MAML2: variants seen among roughly 807,000 people sequenced by gnomAD.
MAML2 encodes mastermind-like protein 2.
A neutral mutation model predicts 96.1 loss-of-function variants in MAML2; 22 were observed. The ratio of observed to expected loss-of-function variants is 0.23; its 90% CI spans 0.16 to 0.33. The LOEUF is 0.33. Among genes scored for constraint, MAML2 ranks in the 10% least tolerant of loss-of-function variants. The pLI is 1.00. For missense variants in MAML2, 1,367 were observed against 1,392.4 expected (o/e 0.98, Z 0.29); for synonymous variants, 561 against 521.3 (o/e 1.08, Z -1.04).
At chr11:96,054,079 C>G (rs561116250) in intron 2 of MAML2, among the ~76,000 whole-genome samples, 32 of 152,240 alleles carry the variant, frequency 2.1e-4, no homozygotes, top group African/African-American at 7.2e-4. Flanking sequence ...GGGTCCCTTG[C>G]CCATTCCTCT....
chr11:96,196,515 T>C (rs1456041405), intron 1 of MAML2, among the ~76,000 whole-genome samples: 1 of 152,150 alleles, frequency 6.6e-6, no homozygotes, highest in Non-Finnish European at 1.5e-5. Context: ...TTGAAGTCAA[T>C]CAGAAATAAT....
intron 2 of MAML2, among the ~76,000 whole-genome samples, chr11:96,059,916 T>C (rs1375737142): frequency 1.3e-5 from 2 of 152,156 alleles, no homozygotes; most frequent in East Asian, 3.8e-4. Context: ...TGTAGGATTG[T>C]AAGTAAACCA....
chr11:96,049,293 T>C (rs933056665), intron 2 of MAML2, among the ~76,000 whole-genome samples: 7 of 152,236 alleles, frequency 4.6e-5, no homozygotes, highest in Non-Finnish European at 7.4e-5. Context: ...GAATAGGTAA[T>C]AATATAAAGT....
chr11:95,991,384 G>A, intron 3 of MAML2, 136 bp downstream of exon 3: 1 of 799,740 alleles, frequency 1.3e-6, no homozygotes, highest in Non-Finnish European at 2.1e-6. Context: ...CTAAATGTAT[G>A]GAATTATCCT....
intron 1 of MAML2, among the ~76,000 whole-genome samples, chr11:96,286,367 G>A (rs1029917556): frequency 1.3e-5 from 2 of 152,144 alleles, no homozygotes; most frequent in Non-Finnish European, 2.9e-5. Context: ...ATAACTAATG[G>A]ATGCCAGGTT....
intron 1 of MAML2, among the ~76,000 whole-genome samples, chr11:96,289,613 G>A (rs1163445253): frequency 6.6e-6 from 1 of 152,040 alleles, no homozygotes; most frequent in Non-Finnish European, 1.5e-5. Flanking sequence ...TCTTGCTCTG[G>A]GTATTTATTT....
intron 2 of MAML2, among the ~76,000 whole-genome samples, chr11:96,036,737 C>T (rs907437122): frequency 9.9e-5 from 15 of 151,818 alleles, no homozygotes; most frequent in African/African-American, 3.6e-4. Flanking sequence ...TGAGATGTGG[C>T]GATCCAAATT....
chr11:96,255,865 CTTTTTTTTTTTT>C, intron 1 of MAML2, among the ~76,000 whole-genome samples: 1 of 77,942 alleles, frequency 1.3e-5, no homozygotes, highest in African/African-American at 5.2e-5. Flanking sequence ...CCCCCACCGC[CTTTTTTTTTTTT>C]TTTTTTTTTT....
chr11:96,204,022 C>T (rs1861862734), intron 1 of MAML2, among the ~76,000 whole-genome samples: 1 of 152,050 alleles, frequency 6.6e-6, no homozygotes, highest in South Asian at 2.1e-4. Context: ...AGGGATACAG[C>T]GGGAACCCAG....
In MAML2 at chr11:96,242,759, A is replaced by G. The variant is rs1241036491; in HGVS notation, c.513+98624T>C. 3.3e-5 allele frequency among the ~76,000 whole-genome samples: 5 copies of G among 152,338 alleles called. No homozygotes were observed. The East Asian group carries it at 7.7e-4, about 23-fold the overall frequency. On this transcript the variant is annotated intron_variant, in intron 1 of 4. Transcript: ENST00000524717. ...AAAGCAGGAGCATGATAAAGGGGAA[A>G]GGATCATAATTTTATGAAGTGCCAA... is the stretch of plus-strand genomic sequence containing the variant.
intron 2 of MAML2, among the ~76,000 whole-genome samples, chr11:96,080,703 C>G (rs991070481): frequency 5.3e-5 from 8 of 152,078 alleles, no homozygotes; most frequent in African/African-American, 1.9e-4. Flanking sequence ...AAGTATTTGC[C>G]GAATGATAAA....
chr11:95,989,806 T>C (rs897762757), intron 3 of MAML2, among the ~76,000 whole-genome samples: 1 of 152,212 alleles, frequency 6.6e-6, no homozygotes, highest in African/African-American at 2.4e-5. Context: ...TATTCCTTAT[T>C]CCAGGTCAAA....
chr11:96,317,588 C>A (rs1863648733), intron 1 of MAML2, among the ~76,000 whole-genome samples: 2 of 152,202 alleles, frequency 1.3e-5, no homozygotes, highest in African/African-American at 4.8e-5. Flanking sequence ...AGTGTCCCTT[C>A]CCTCTTACTG....
intron 2 of MAML2, among the ~76,000 whole-genome samples, chr11:96,081,974 A>G (rs1030653108): frequency 6.6e-6 from 1 of 152,228 alleles, no homozygotes; most frequent in Non-Finnish European, 1.5e-5. Flanking sequence ...TGATTTCAAG[A>G]TTATACAGCC....
At chr11:96,218,466 T>G (rs1402008328) in intron 1 of MAML2, among the ~76,000 whole-genome samples, 3 of 152,168 alleles carry the variant, frequency 2.0e-5, no homozygotes, top group African/African-American at 7.2e-5. Flanking sequence ...CTTACTTGGG[T>G]CAACTGACTA....
At position 95,979,761 on chromosome 11, in the gene MAML2, T is replaced by C; in HGVS notation, c.2658A>G (p.Gly886=). The part of the protein sequence containing the change: ...NQPNTYSVTS[G]MNQLTQQRNP... ...TTCTCTGTTGGGTCAATTGATTCAT[T>C]CCTGAAGTGACACTGTATGTGTTAG... Residue 886 remains glycine, a synonymous_variant, in exon 5 of 5, where the codon GGA becomes GGG. Transcript: ENST00000524717. 1 of 1,614,018 alleles carries C rather than the reference T, an allele frequency of 6.2e-7. No individual in the cohort carries two copies. Among genetic ancestry groups the C allele is most frequent in the Non-Finnish European group, 8.5e-7 (1 of 1,179,882 alleles).
chr11:95,983,855 A>C (rs1478666886), intron 4 of MAML2, among the ~76,000 whole-genome samples: 1 of 152,170 alleles, frequency 6.6e-6, no homozygotes, highest in Non-Finnish European at 1.5e-5. Flanking sequence ...AAAGCAAAGC[A>C]AAAAAATTAA....
At position 96,219,714 on chromosome 11, in the gene MAML2, C is replaced by T. The variant is rs370114170; in HGVS notation, c.513+121669G>A. ...AAGCTCGGCTCACTGCAACTCCACC[C>T]TCCTGGGTTCAAGTGGTTCTCATGC... is the stretch of plus-strand genomic sequence containing the variant. On this transcript the variant is annotated intron_variant, in intron 1 of 4. Transcript: ENST00000524717. 5.8e-4 allele frequency among the ~76,000 whole-genome samples: 88 copies of T among 152,274 alleles called. 2 individuals are homozygous for T. The South Asian group carries it at 8.5e-3, about 15-fold the overall frequency.
At chr11:96,106,096 T>C (rs1860017022) in intron 1 of MAML2, among the ~76,000 whole-genome samples, 1 of 152,224 alleles carries the variant, frequency 6.6e-6, no homozygotes, top group African/African-American at 2.4e-5. Flanking sequence ...TTTATATTGT[T>C]TGCAGTTCAA....
Sources: allele counts gnomAD v4.1 joint callset (sites outside exome capture counted in the v4.1 genomes callset), GRCh38; gene constraint gnomAD v4.1.1; transcripts MANE v1.5; gene names NCBI Gene and HGNC (gene_info 2026-07-23, HGNC 2026-07-21).